ZNF562: variants seen among roughly 807,000 people sequenced by gnomAD.
ZNF562 encodes zinc finger protein 562.
Under a neutral mutation model 17.5 loss-of-function variants are expected in ZNF562, and 13 were observed. The observed-to-expected ratio is 0.74, with a 90% CI of 0.48 to 1.18. The LOEUF (loss-of-function observed/expected upper bound fraction) is 1.18, where lower values mean the gene tolerates loss of function less well. Ranked by LOEUF, ZNF562 falls within the 50% of genes most tolerant of loss-of-function variation. ZNF562 has a pLI of 0.00. For synonymous variants in ZNF562, 163 were observed against 165.4 expected (o/e 0.99, Z 0.11); for missense variants, 481 against 498.5 (o/e 0.96, Z 0.33).
intron 5 of ZNF562, among the ~76,000 whole-genome samples, chr19:9,655,327 G>A (rs2043424373): frequency 6.6e-6 from 1 of 152,032 alleles, no homozygotes; most frequent in Admixed American, 6.6e-5. Context: ...AATCCTCAAT[G>A]TCTAGTTACA....
intron 1 of ZNF562, among the ~76,000 whole-genome samples, chr19:9,673,558 A>G (rs138149718): frequency 0.031 from 4,683 of 152,122 alleles, 244 homozygotes; most frequent in African/African-American, 0.11. Flanking sequence ...TCTGCCTCCC[A>G]AAGTGCTGTG....
In ZNF562 at chr19:9,649,773, C is replaced by T. The variant is rs2074842448; in HGVS notation, c.*3176G>A. 6.6e-6 allele frequency: 1 copy of T among 152,194 alleles called. No homozygotes were observed. The highest frequency in any genetic ancestry group is 1.5e-5 in the Non-Finnish European group (1 of 68,042). The allele number at this position is 152,194 out of a possible 1,614,324, so 9.4% of individuals were successfully genotyped here. On this transcript the variant is annotated 3_prime_UTR_variant, in exon 6 of 6. Coordinates refer to ENST00000453372, the MANE Select transcript of ZNF562 (RefSeq NM_001130031.2). The stretch of plus-strand genomic sequence containing the variant: ...ACCTTGGTCCTGTGATCTCGCCCTG[C>T]CTCCACTTGCCTTGTGATATTCTAT...
In ZNF562 at chr19:9,653,751, T is replaced by A; in HGVS notation, c.479A>T (p.Lys160Ile). Residue 160 changes from lysine (K) to isoleucine (I), a missense_variant, in exon 6 of 6, where the codon AAA (lysine) becomes ATA (isoleucine). Physicochemically the swap from Lys to Ile is moderately radical, Grantham distance 102 (BLOSUM62 -3). Transcript: ENST00000453372. ...TTCCTTGTGCACACTGATGCTGTCT[T>A]TTCCATAACAATTACCCTCAAAAGT... ...GNTFEGNCYG[K>I]DSISVHKEAS... 1 of 1,614,084 alleles carries A rather than the reference T, an allele frequency of 6.2e-7. No homozygotes were observed.
intron 1 of ZNF562, chr19:9,674,492 G>A (rs1165351441): frequency 4.0e-5 from 6 of 151,470 alleles, no homozygotes; most frequent in Non-Finnish European, 7.4e-5. Context: ...TCCAGCGTGG[G>A]CGACAGAGTA....
rs191213529 is a variant in ZNF562 at position 9,651,493 on chromosome 19, G to C, written c.*1456C>G. ...GCCATAAACAGGCAATGAGAAACTG[G>C]CCATAAACAAAATCTCTGCAGCACT... On this transcript the variant is annotated 3_prime_UTR_variant, in exon 6 of 6. Coordinates refer to ENST00000453372, the MANE Select transcript of ZNF562 (RefSeq NM_001130031.2). 9.2e-5 allele frequency: 14 copies of C among 152,312 alleles called. No individual in the cohort carries two copies. In the East Asian group the frequency reaches 2.1e-3, roughly 23 times the overall value. 9.4% of individuals were successfully genotyped at this position (152,312 alleles called of 1,614,324 possible).
intron 4 of ZNF562, among the ~76,000 whole-genome samples, chr19:9,656,871 A>AAAAAAAATATATATATATAT (rs376933513): frequency 2.1e-5 from 3 of 142,436 alleles, no homozygotes; most frequent in African/African-American, 7.8e-5. Context: ...AAAATACAAA[A>AAAAAAAATATATATATATAT]ATATATATAT....
rs539341392 is a variant in ZNF562, at chr19:9,644,774, C to G, written c.*8175G>C. On this transcript the variant is annotated 3_prime_UTR_variant, in exon 6 of 6. Coordinates refer to ENST00000453372, the MANE Select transcript of ZNF562 (RefSeq NM_001130031.2). ...ACTTGAACAGCATGGGGAAACCCCC[C>G]CCCATGATTCTATTACCTCCCACCT... The G allele has an allele frequency of 2.0e-5, 3 of 152,318 alleles. No homozygotes were observed. Among genetic ancestry groups the G allele is most frequent in the East Asian group, 3.9e-4 (2 of 5,174 alleles). 9.4% of individuals were successfully genotyped at this position (152,318 alleles called of 1,614,324 possible).
chr19:9,667,813 T>C (rs2044008815), intron 1 of ZNF562, among the ~76,000 whole-genome samples: 1 of 152,004 alleles, frequency 6.6e-6, no homozygotes, highest in South Asian at 2.1e-4. Context: ...CAGGCTGACC[T>C]TGAACTCCTG....
In ZNF562 at chr19:9,660,810, C is replaced by A; in HGVS notation, c.-66G>T. The A allele has an allele frequency of 6.3e-7, 1 of 1,577,964 alleles. No homozygotes were observed. The highest frequency in any genetic ancestry group is 8.7e-7 in the Non-Finnish European group (1 of 1,152,536). ...TCTTGATGCCAAGATCGCCTCAGGG[C>A]AGCTTATGAATCTAGGTGGATACAG... On this transcript the variant is annotated 5_prime_UTR_variant, in exon 2 of 6. Coordinates refer to ENST00000453372, the MANE Select transcript of ZNF562 (RefSeq NM_001130031.2).
chr19:9,671,604 A>G lies in ZNF562; in HGVS notation c.-131+3411T>C, dbSNP rs181839241. Among the ~76,000 whole-genome samples the G allele has an allele frequency of 5.3e-5, 8 of 152,372 alleles. 1 individual carries two copies. The highest frequency in any genetic ancestry group is 4.6e-4 in the Admixed American group (7 of 15,308). ...CCACACAGTTACCTGTAAGGATTCTAGTTTCAACTGTAGACAAGAGCAATT... is the reference window on the plus strand; with the variant it reads ...CCACACAGTTACCTGTAAGGATTCTGGTTTCAACTGTAGACAAGAGCAATT... On this transcript the variant is annotated intron_variant, in intron 1 of 5. Coordinates refer to ENST00000453372, the MANE Select transcript of ZNF562 (RefSeq NM_001130031.2).
intron 1 of ZNF562, among the ~76,000 whole-genome samples, chr19:9,669,734 G>GCACACACACACACACACA: frequency 9.1e-6 from 1 of 109,302 alleles, no homozygotes; most frequent in Non-Finnish European, 1.9e-5. Context: ...GCGCGCGCGC[G>GCACACACACACACACACA]CACACACACA....
Position 9,666,532 on chromosome 19 carries a change from G to A in ZNF562, c.-130-5658C>T, listed in dbSNP as rs568069251. Among the ~76,000 whole-genome samples the A allele has an allele frequency of 8.9e-4, 134 of 151,280 alleles. 1 individual carries two copies. Among genetic ancestry groups the A allele is most frequent in the African/African-American group, 3.2e-3 (131 of 41,240 alleles). ...AAACAAACCAGATTCAAAATTAGTA[G>A]AACAAAAGAATAAAGACCAGAGCCA... On this transcript the variant is annotated intron_variant, in intron 1 of 5. Coordinates refer to ENST00000453372, the MANE Select transcript of ZNF562 (RefSeq NM_001130031.2).
rs574255347 is a variant in ZNF562 at position 9,666,247 on chromosome 19, C to T, written c.-130-5373G>A. Among the ~76,000 whole-genome samples the T allele has an allele frequency of 4.3e-4, 65 of 150,086 alleles. No homozygotes were observed. In the South Asian group the frequency reaches 5.7e-3, roughly 13 times the overall value. ...CTGAAGCAGGAGAATCGCTTGAATC[C>T]GGGAAGCAGAGGTTGTGGTGAGCCG... On this transcript the variant is annotated intron_variant, in intron 1 of 5. Coordinates refer to ENST00000453372, the MANE Select transcript of ZNF562 (RefSeq NM_001130031.2).
At chr19:9,659,504 T>C in intron 2 of ZNF562, 37 bp from the exon 3 acceptor site, 5 of 1,545,200 alleles carry the variant, frequency 3.2e-6, no homozygotes, top group Non-Finnish European at 4.4e-6. Context: ...AAGCCAGAGC[T>C]GCCCACATTC....
At position 9,652,739 on chromosome 19, in the gene ZNF562, TA is replaced by T. The variant is rs1295279784; in HGVS notation, c.*209del. 4 of 437,788 alleles carry T rather than the reference TA, an allele frequency of 9.1e-6. No individual in the cohort carries two copies. The highest frequency in any genetic ancestry group is 1.6e-5 in the Non-Finnish European group (4 of 255,124). The allele number at this position is 437,788 out of a possible 1,614,324, so 27.1% of individuals were successfully genotyped here. ...TGATGATCTTTGCACTGCCAATAAT[TA>T]AAGATGGCAACCAATGGGCTAAATG... On this transcript the variant is annotated 3_prime_UTR_variant, in exon 6 of 6. Transcript: ENST00000453372.
intron 1 of ZNF562, among the ~76,000 whole-genome samples, chr19:9,664,342 T>C (rs1318523905): frequency 6.6e-6 from 1 of 152,218 alleles, no homozygotes; most frequent in Non-Finnish European, 1.5e-5. Flanking sequence ...GTGCTGGAAT[T>C]ATAGTTCACT....
At chr19:9,670,250 C>T (rs1357018338) in intron 1 of ZNF562, among the ~76,000 whole-genome samples, 1 of 150,940 alleles carries the variant, frequency 6.6e-6, no homozygotes, top group Non-Finnish European at 1.5e-5. Flanking sequence ...AAAAACAAAA[C>T]AAAACAAAAA....
chr19:9,663,662 A>G (rs2043841898), intron 1 of ZNF562, among the ~76,000 whole-genome samples: 1 of 151,076 alleles, frequency 6.6e-6, no homozygotes, highest in Non-Finnish European at 1.5e-5. Flanking sequence ...CACTGTAGCT[A>G]TTGTTCTTTT....
At chr19:9,661,242 C>G (rs372693853) in intron 1 of ZNF562, among the ~76,000 whole-genome samples, 1 of 152,090 alleles carries the variant, frequency 6.6e-6, no homozygotes, top group Non-Finnish European at 1.5e-5. Flanking sequence ...CTACATTTCC[C>G]GGGCTCAAGT....
Sources: gnomAD v4.1 joint callset for allele counts (sites outside exome capture counted in the v4.1 genomes callset) on GRCh38, gnomAD v4.1.1 for gene constraint, MANE v1.5 for transcripts, NCBI Gene and HGNC (gene_info 2026-07-23, HGNC 2026-07-21) for gene names.